Variants in WDR27 observed in about 807,000 individuals in gnomAD.
WDR27 encodes the protein WD repeat domain 27.
A neutral mutation model predicts 114.4 loss-of-function variants in WDR27; 100 were observed. That is an observed-to-expected ratio of 0.87 (90% CI 0.74 to 1.03). The LOEUF is 1.03. WDR27 is among the 50% of genes least tolerant of loss of function. The pLI is 0.00. For synonymous variants in WDR27, 449 were observed against 423.1 expected (o/e 1.06, Z -0.75); for missense variants, 1,129 against 1,092.9 (o/e 1.03, Z -0.47).
At chr6:169,560,845 C>T (rs955070363) in intron 25 of WDR27, among the ~76,000 whole-genome samples, 15 of 152,120 alleles carry the variant, frequency 9.9e-5, no homozygotes, top group Non-Finnish European at 1.6e-4. Context: ...TCTGTGGAGG[C>T]GAGACCTACT....
chr6:169,508,408 G>A (rs1369205987), intron 25 of WDR27, among the ~76,000 whole-genome samples: 1 of 152,204 alleles, frequency 6.6e-6, no homozygotes, highest in Non-Finnish European at 1.5e-5. Context: ...AAGCTCATCT[G>A]AGACTGTTAG....
chr6:169,564,578 C>G (rs879363382), intron 25 of WDR27, among the ~76,000 whole-genome samples: 1 of 152,224 alleles, frequency 6.6e-6, no homozygotes, highest in African/African-American at 2.4e-5. Context: ...GGCTGACCAC[C>G]CTCCACATTT....
At chr6:169,600,150 T>G (rs1807663438) in intron 23 of WDR27, among the ~76,000 whole-genome samples, 1 of 152,202 alleles carries the variant, frequency 6.6e-6, no homozygotes, top group Non-Finnish European at 1.5e-5. Flanking sequence ...TTTCTGCTCT[T>G]TTACATTTGC....
intron 18 of WDR27, 71 bp from the exon 19 acceptor site, chr6:169,636,575 AATT>A: frequency 7.0e-7 from 1 of 1,436,082 alleles, no homozygotes; most frequent in Non-Finnish European, 9.4e-7. Context: ...CTAAACATAA[AATT>A]ATTTCTTCTT....
chr6:169,499,286 G>C (rs570467888), intron 25 of WDR27, among the ~76,000 whole-genome samples: 6 of 152,252 alleles, frequency 3.9e-5, no homozygotes, highest in South Asian at 2.1e-4. Flanking sequence ...CACACGCGGA[G>C]CTGCGCTGTT....
At chr6:169,664,103 C>T in intron 8 of WDR27, 63 bp downstream of exon 8, 2 of 1,451,826 alleles carry the variant, frequency 1.4e-6, no homozygotes, top group South Asian at 1.4e-5. Context: ...GGGCCCTTGA[C>T]ATGGCGCCTG....
At position 169,605,477 on chromosome 6, in the gene WDR27, G is replaced by A. The variant is rs563727012; in HGVS notation, c.2322-3156C>T. Among the ~76,000 whole-genome samples, 154 of 151,340 alleles carry A rather than the reference G, an allele frequency of 1.0e-3. 1 individual carries two copies. Among genetic ancestry groups the A allele is most frequent in the African/African-American group, 3.2e-3 (134 of 41,304 alleles). The stretch of plus-strand genomic sequence containing the variant: ...AACTACAGATAATACAAACAAATAG[G>A]AAAACGTCCTATGCTCATGGATCAG... On this transcript the variant is annotated intron_variant, in intron 22 of 25. Transcript: ENST00000448612.
chr6:169,670,136 C>G (rs1193706421), intron 4 of WDR27: 2 of 157,214 alleles, frequency 1.3e-5, no homozygotes, highest in Non-Finnish European at 2.8e-5. Context: ...TAGTCACACA[C>G]GAGGTCGAAA....
chr6:169,515,662 G>A lies in WDR27; in HGVS notation c.2645+56757C>T, dbSNP rs372827965. Among the ~76,000 whole-genome samples, 20 of 151,914 alleles carry A rather than the reference G, an allele frequency of 1.3e-4. No individual in the cohort carries two copies. In the South Asian group the frequency reaches 2.5e-3, roughly 19 times the overall value. Reference sequence around the variant, plus strand: ...TGCCAACAAAATATTCTTAGAAAAGGTAATGGATAAAGGTAATGATTAAAA... The same window carrying A: ...TGCCAACAAAATATTCTTAGAAAAGATAATGGATAAAGGTAATGATTAAAA... On this transcript the variant is annotated intron_variant, in intron 25 of 25. Coordinates refer to ENST00000448612, the MANE Select transcript of WDR27 (RefSeq NM_182552.5).
intron 21 of WDR27, among the ~76,000 whole-genome samples, chr6:169,632,561 G>A (rs9371156): frequency 0.097 from 14,552 of 150,638 alleles, 1,821 homozygotes; most frequent in East Asian, 0.61. Flanking sequence ...CAGACTGGCT[G>A]TATCCAACAG....
At chr6:169,437,632 G>A in the WDR27 span, among the ~76,000 whole-genome samples, 8 of 151,712 alleles carry the variant, frequency 5.3e-5, no homozygotes, top group African/African-American at 7.3e-5. Context: ...TTCTTTCTTC[G>A]TTCCTTAAAA....
At chr6:169,643,632 A>G in intron 17 of WDR27, 65 bp downstream of exon 17, 1 of 1,398,294 alleles carries the variant, frequency 7.2e-7, no homozygotes, top group Non-Finnish European at 9.9e-7. Flanking sequence ...TTAGCAACTG[A>G]TAACCAGGAC....
At chr6:169,472,341 T>C (rs981787693) in intron 25 of WDR27, among the ~76,000 whole-genome samples, 4 of 152,154 alleles carry the variant, frequency 2.6e-5, no homozygotes, top group African/African-American at 9.7e-5. Context: ...TCTAAGACCT[T>C]TTATTACTTG....
intron 25 of WDR27, among the ~76,000 whole-genome samples, chr6:169,491,137 C>T (rs953458627): frequency 1.2e-4 from 18 of 152,254 alleles, no homozygotes; most frequent in African/African-American, 4.1e-4. Context: ...CTAAAGAACA[C>T]GGGCATTTAA....
intron 23 of WDR27, among the ~76,000 whole-genome samples, chr6:169,587,214 CTTTTTTTTTTTT>C (rs770797963): frequency 1.3e-4 from 15 of 115,702 alleles, no homozygotes; most frequent in Non-Finnish European, 2.1e-4. Flanking sequence ...CAAGGATTTT[CTTTTTTTTTTTT>C]TTTTTTTTTA....
the WDR27 span, among the ~76,000 whole-genome samples, chr6:169,451,286 C>T: frequency 1.3e-5 from 2 of 152,184 alleles, no homozygotes; most frequent in South Asian, 2.1e-4. Flanking sequence ...AAGCCCCCTG[C>T]GCGCTTTGAC....
intron 13 of WDR27, among the ~76,000 whole-genome samples, chr6:169,654,740 G>A (rs957434130): frequency 6.6e-6 from 1 of 151,916 alleles, no homozygotes; most frequent in African/African-American, 2.4e-5. Flanking sequence ...CACAGGAGGA[G>A]GCGCGCACAG....
intron 13 of WDR27, 25 bp from the exon 14 acceptor site, chr6:169,652,033 G>A (rs1822727226): frequency 1.2e-6 from 2 of 1,608,518 alleles, no homozygotes; most frequent in Non-Finnish European, 1.7e-6. Context: ...TTTTAAAGAA[G>A]AAACAAACAC....
intron 25 of WDR27, among the ~76,000 whole-genome samples, chr6:169,567,093 G>T (rs1259853041): frequency 1.3e-5 from 2 of 152,226 alleles, no homozygotes; most frequent in Non-Finnish European, 2.9e-5. Context: ...CCCGAGCCAG[G>T]TGGGGCTGTC....
Sources: allele counts gnomAD v4.1 joint callset (sites outside exome capture counted in the v4.1 genomes callset), GRCh38; gene constraint gnomAD v4.1.1; transcripts MANE v1.5; gene names NCBI Gene and HGNC (gene_info 2026-07-23, HGNC 2026-07-21).